ATXN1: variants seen among roughly 807,000 people sequenced by gnomAD.
ATXN1 encodes the protein ataxin-1.
A neutral mutation model predicts 56.4 loss-of-function variants in ATXN1; 8 were observed. The observed-to-expected ratio is 0.14, with a 90% CI of 0.08 to 0.26. ATXN1 has a LOEUF of 0.26. Ranked by LOEUF, ATXN1 falls within the 10% of genes least tolerant of loss-of-function variation. The probability of loss-of-function intolerance (pLI) is 1.00; values close to 1 mark genes in which losing one functional copy is unlikely to be tolerated. For synonymous variants in ATXN1, 514 were observed against 494.6 expected (o/e 1.04, Z -0.52); for missense variants, 987 against 1,106.5 (o/e 0.89, Z 1.53).
intron 6 of ATXN1, among the ~76,000 whole-genome samples, chr6:16,434,440 C>T (rs753974210): frequency 1.3e-5 from 2 of 152,166 alleles, no homozygotes; most frequent in Admixed American, 6.5e-5. Flanking sequence ...ATTTCTCTTT[C>T]CCTTCTAAAA....
At chr6:16,457,309 G>A (rs923357940) in intron 6 of ATXN1, among the ~76,000 whole-genome samples, 5 of 151,812 alleles carry the variant, frequency 3.3e-5, no homozygotes, top group African/African-American at 9.7e-5. Flanking sequence ...TAGTGTTTCC[G>A]CTGCTGCTTT....
At chr6:16,736,777 C>T (rs990078357) in intron 2 of ATXN1, 5 of 152,294 alleles carry the variant, frequency 3.3e-5, no homozygotes, top group Middle Eastern at 3.4e-3. Context: ...ATCAGCATTT[C>T]GGGTACATAC....
chr6:16,689,510 CTTTTTTTTTTCTTTT>C (rs1048375311), intron 2 of ATXN1, among the ~76,000 whole-genome samples: 6 of 126,868 alleles, frequency 4.7e-5, no homozygotes, highest in Non-Finnish European at 8.4e-5. Context: ...CTTTTTTTTT[CTTTTTTTTTTCTTTT>C]TTTTTTTTTT....
chr6:16,701,824 G>A lies in ATXN1; in HGVS notation c.-614-43923C>T, dbSNP rs569900432. 2.2e-3 allele frequency among the ~76,000 whole-genome samples: 333 copies of A among 152,232 alleles called. 4 individuals carry two copies. The highest frequency in any genetic ancestry group is 7.4e-3 in the African/African-American group (309 of 41,534). On this transcript the variant is annotated intron_variant, in intron 2 of 7. Transcript: ENST00000436367. Reference sequence around the variant, plus strand: ...GGAGAACTACAAACCACTGCTCAACGAAATAAAAGAGGATACAAACAAATG... The same window carrying A: ...GGAGAACTACAAACCACTGCTCAACAAAATAAAAGAGGATACAAACAAATG...
intron 3 of ATXN1, among the ~76,000 whole-genome samples, chr6:16,641,840 T>C (rs1763711380): frequency 1.3e-5 from 2 of 152,204 alleles, no homozygotes; most frequent in Admixed American, 1.3e-4. Flanking sequence ...ATTGTAGATG[T>C]CATTAAGAAC....
rs555637984 is a variant in ATXN1, at chr6:16,410,736, T to C, written c.-161+75236A>G. 6.6e-6 allele frequency among the ~76,000 whole-genome samples: 1 copy of C among 152,364 alleles called. No homozygotes were observed. Among genetic ancestry groups the C allele is most frequent in the African/African-American group, 2.4e-5 (1 of 41,582 alleles). On this transcript the variant is annotated intron_variant, in intron 6 of 7. Coordinates refer to ENST00000436367, the MANE Select transcript of ATXN1 (RefSeq NM_001128164.2). This position sits in a 1 kb window ranked among gnomAD's most constrained non-coding sequence, Gnocchi z 4.6. ...CAGAATTACATCTATTCAGGTCATA[T>C]ACAACATCCGTGGAGCAAAGTGAAT...
chr6:16,729,244 A>C (rs1342645652), intron 2 of ATXN1, among the ~76,000 whole-genome samples: 4 of 152,146 alleles, frequency 2.6e-5, no homozygotes, highest in Non-Finnish European at 5.9e-5. Context: ...GTGTATATTT[A>C]TATGTTTTGC....
At chr6:16,360,606 C>T (rs956279719) in intron 6 of ATXN1, among the ~76,000 whole-genome samples, 1 of 152,208 alleles carries the variant, frequency 6.6e-6, no homozygotes, top group African/African-American at 2.4e-5. Flanking sequence ...TTGGAAAACA[C>T]TGTTCCTCTT....
At chr6:16,530,791 T>C (rs904282941) in intron 4 of ATXN1, among the ~76,000 whole-genome samples, 9 of 152,154 alleles carry the variant, frequency 5.9e-5, no homozygotes, top group African/African-American at 1.9e-4. Context: ...CATCCACACA[T>C]AGAAGTCAAT....
At chr6:16,521,681 G>T (rs907461112) in intron 5 of ATXN1, among the ~76,000 whole-genome samples, 1 of 152,242 alleles carries the variant, frequency 6.6e-6, no homozygotes, top group Non-Finnish European at 1.5e-5. Context: ...AGACAACCGC[G>T]AGTCGGGTGT....
intron 2 of ATXN1, among the ~76,000 whole-genome samples, chr6:16,704,974 G>A (rs1759375884): frequency 6.6e-6 from 1 of 152,182 alleles, no homozygotes; most frequent in Non-Finnish European, 1.5e-5. Context: ...GTGCTCTGCA[G>A]GCCCCCTTGC....
intron 3 of ATXN1, among the ~76,000 whole-genome samples, chr6:16,631,131 T>C (rs531198142): frequency 6.6e-6 from 1 of 152,332 alleles, no homozygotes; most frequent in East Asian, 1.9e-4. Flanking sequence ...GGCAGGATTA[T>C]TATTCATGTT....
At chr6:16,759,941 C>T (rs1761019261) in intron 1 of ATXN1, among the ~76,000 whole-genome samples, 1 of 152,092 alleles carries the variant, frequency 6.6e-6, no homozygotes, top group Non-Finnish European at 1.5e-5. Context: ...CAAGGAAGGG[C>T]CCCCTCCGCG....
intron 2 of ATXN1, among the ~76,000 whole-genome samples, chr6:16,699,588 T>A (rs1475426717): frequency 6.6e-6 from 1 of 152,084 alleles, no homozygotes; most frequent in Non-Finnish European, 1.5e-5. Flanking sequence ...TGGGTCATAG[T>A]AAAAAGAGTT....
intron 6 of ATXN1, among the ~76,000 whole-genome samples, chr6:16,416,462 C>T (rs1187386735): frequency 6.6e-6 from 1 of 152,162 alleles, no homozygotes; most frequent in African/African-American, 2.4e-5. Context: ...ATAGTGCAAA[C>T]TATAAAATAT....
intron 5 of ATXN1, among the ~76,000 whole-genome samples, chr6:16,508,349 T>C (rs527832512): frequency 6.6e-6 from 1 of 152,336 alleles, no homozygotes; most frequent in East Asian, 1.9e-4. Flanking sequence ...ATTTAAAATG[T>C]CTTTGAGATT....
intron 6 of ATXN1, among the ~76,000 whole-genome samples, chr6:16,470,711 A>G (rs980968652): frequency 7.2e-5 from 11 of 152,186 alleles, no homozygotes; most frequent in Non-Finnish European, 4.4e-5. Flanking sequence ...TGAAATCACC[A>G]TTAAAAAAAT....
chr6:16,303,777 G>A lies in ATXN1; in HGVS notation c.*2552C>T, dbSNP rs1236062034. ...GTGTTTTTCTGAGTCCACATGAGTT[G>A]TAAATAGTGATATTAATGAGAACAA... On this transcript the variant is annotated 3_prime_UTR_variant, in exon 8 of 8. Coordinates refer to ENST00000436367, the MANE Select transcript of ATXN1 (RefSeq NM_001128164.2). This position sits in a 1 kb window ranked among gnomAD's most constrained non-coding sequence, Gnocchi z 4.3. 2.6e-5 allele frequency: 4 copies of A among 152,572 alleles called. No individual in the cohort carries two copies. The highest frequency in any genetic ancestry group is 2.6e-4 in the Admixed American group (4 of 15,276). 9.5% of individuals were successfully genotyped at this position (152,572 alleles called of 1,614,324 possible).
intron 2 of ATXN1, 48 bp from the exon 3 acceptor site, chr6:16,657,949 T>A (rs968347797): frequency 2.6e-5 from 4 of 152,326 alleles, no homozygotes; most frequent in Admixed American, 2.6e-4. Context: ...AAATGCCACT[T>A]CAAGCAGTTA....
Sources: allele counts gnomAD v4.1 joint callset (sites outside exome capture counted in the v4.1 genomes callset), GRCh38; gene constraint gnomAD v4.1.1; non-coding constraint Gnocchi (gnomAD v3.1); transcripts MANE v1.5; gene names NCBI Gene and HGNC (gene_info 2026-07-23, HGNC 2026-07-21).